Variants in PPM1B observed in about 807,000 individuals in gnomAD.
PPM1B encodes the protein protein phosphatase 1B.
PPM1B carries 22 observed loss-of-function variants against 43.0 expected under a neutral mutation model. The observed-to-expected ratio is 0.51, with a 90% CI of 0.37 to 0.73. The LOEUF (loss-of-function observed/expected upper bound fraction) is 0.73. Ranked by LOEUF, PPM1B falls within the 30% of genes least tolerant of loss-of-function variation. The pLI is 0.00. For synonymous variants in PPM1B, 217 were observed against 197.9 expected (o/e 1.10, Z -0.81); for missense variants, 632 against 584.2 (o/e 1.08, Z -0.84).
At chr2:44,185,819 T>G (rs1668091870) in intron 1 of PPM1B, among the ~76,000 whole-genome samples, 1 of 152,228 alleles carries the variant, frequency 6.6e-6, no homozygotes, top group Non-Finnish European at 1.5e-5. Flanking sequence ...TAATGAAAAC[T>G]GTAAAATATC....
chr2:44,201,786 T>G lies in PPM1B; in HGVS notation c.587T>G (p.Leu196Ter). The change falls in exon 2 of 6, where the codon TTA becomes TGA. Residue 196 changes from leucine to a stop codon, truncating the protein, a stop_gained. Transcript: ENST00000282412. LOFTEE classifies it high-confidence loss of function. This position sits in a 1 kb window ranked among gnomAD's most constrained non-coding sequence, Gnocchi z 5.4. Reference sequence around the variant, plus strand: ...ATGATACAACGTGTTAATGGTTCATTAGCAGTATCTCGTGCTCTGGGGGAC... The same window carrying G: ...ATGATACAACGTGTTAATGGTTCATGAGCAGTATCTCGTGCTCTGGGGGAC... ...SVMIQRVNGS[L>*]AVSRALGDYD... 1 of 1,614,200 alleles carries G rather than the reference T, an allele frequency of 6.2e-7. No individual in the cohort carries two copies. The highest frequency in any genetic ancestry group is 8.5e-7 in the Non-Finnish European group (1 of 1,180,030).
chr2:44,178,858 A>G (rs534142969), intron 1 of PPM1B, among the ~76,000 whole-genome samples: 1 of 152,380 alleles, frequency 6.6e-6, no homozygotes, highest in Admixed American at 6.5e-5. Context: ...TAAAAAAGAC[A>G]TAGGCAAAGT....
At chr2:44,231,644 T>C (rs1185077222), downstream of PPM1B, among the ~76,000 whole-genome samples, 5 of 152,174 alleles carry the variant, frequency 3.3e-5, no homozygotes, top group Non-Finnish European at 7.4e-5. Context: ...ATGTGTTGCA[T>C]ACTTAAATCT....
intron 5 of PPM1B, among the ~76,000 whole-genome samples, chr2:44,226,696 G>A (rs1249632130): frequency 9.0e-6 from 1 of 111,258 alleles, no homozygotes. Flanking sequence ...TTGTTTTAAT[G>A]TCCTGTAATT....
chr2:44,198,684 G>C (rs951420733), intron 1 of PPM1B, among the ~76,000 whole-genome samples: 12 of 152,258 alleles, frequency 7.9e-5, no homozygotes, highest in African/African-American at 2.9e-4. Context: ...AATAATAAGA[G>C]GTACGAGGGC....
chr2:44,220,263 C>CATATAT (rs146623821), intron 5 of PPM1B, among the ~76,000 whole-genome samples: 4,316 of 146,890 alleles, frequency 0.029, 82 homozygotes, highest in South Asian at 0.059. Flanking sequence ...TTTAAAAATA[C>CATATAT]ATATATATAT....
intron 5 of PPM1B, among the ~76,000 whole-genome samples, chr2:44,227,518 C>CTTTT (rs397964846): frequency 4.3e-5 from 6 of 138,970 alleles, no homozygotes; most frequent in South Asian, 2.3e-4. Context: ...ACAGTATCAT[C>CTTTT]TTTTTTTTTT....
downstream of PPM1B, among the ~76,000 whole-genome samples, chr2:44,235,060 T>C (rs1026798183): frequency 1.3e-5 from 2 of 152,238 alleles, no homozygotes; most frequent in African/African-American, 4.8e-5. Flanking sequence ...TCACTTCAGA[T>C]AACTGTGGAT....
downstream of PPM1B, among the ~76,000 whole-genome samples, chr2:44,236,679 G>A (rs923783177): frequency 6.6e-6 from 1 of 152,150 alleles, no homozygotes; most frequent in South Asian, 2.1e-4. Context: ...AATATATGGT[G>A]CCCAAGTCTT....
Position 44,229,643 on chromosome 2 carries a change from T to G in PPM1B, c.1135-770T>G, listed in dbSNP as rs1185062114. Among the ~76,000 whole-genome samples the G allele has an allele frequency of 2.0e-5, 3 of 152,216 alleles. No homozygotes were observed. In the East Asian group the frequency reaches 5.8e-4, roughly 29 times the overall value. ...CATTTTTTGGCACGAATACAGGACA[T>G]GACTGTACTTTATAATGCATCATAT... On this transcript the variant is annotated intron_variant, in intron 5 of 5. Transcript: ENST00000282412.
intron 1 of PPM1B, among the ~76,000 whole-genome samples, chr2:44,191,475 A>G (rs1213744793): frequency 6.6e-6 from 1 of 152,106 alleles, no homozygotes. Flanking sequence ...CAGCCTCCCA[A>G]AGTGCTGGGA....
At chr2:44,230,333 A>G (rs1485444222) in intron 5 of PPM1B, 80 bp from the exon 6 acceptor site, 1 of 1,544,246 alleles carries the variant, frequency 6.5e-7, no homozygotes, top group Non-Finnish European at 8.7e-7. Context: ...AGAAATTAGT[A>G]TTTTGCTGTA....
chr2:44,228,581 T>C (rs1310223345), intron 5 of PPM1B, among the ~76,000 whole-genome samples: 2 of 152,240 alleles, frequency 1.3e-5, no homozygotes, highest in Non-Finnish European at 2.9e-5. Context: ...CAAAAGTATA[T>C]GTAATAGTCT....
chr2:44,226,463 A>T (rs1325876072), intron 5 of PPM1B, among the ~76,000 whole-genome samples: 1 of 151,978 alleles, frequency 6.6e-6, no homozygotes, highest in East Asian at 1.9e-4. Context: ...TAATAAGTCC[A>T]CCTCCAAATT....
chr2:44,226,427 T>A (rs754407619), intron 5 of PPM1B, among the ~76,000 whole-genome samples: 3 of 152,160 alleles, frequency 2.0e-5, no homozygotes, highest in Non-Finnish European at 4.4e-5. Flanking sequence ...ATACGACAAA[T>A]GGAACAACCT....
intron 5 of PPM1B, among the ~76,000 whole-genome samples, chr2:44,228,281 C>T (rs555416214): frequency 1.6e-4 from 22 of 140,738 alleles, no homozygotes; most frequent in Middle Eastern, 3.6e-3. Flanking sequence ...TCAACCTCCT[C>T]GACTTAGCTC....
chr2:44,229,918 G>T, intron 5 of PPM1B: 2 of 1,309,722 alleles, frequency 1.5e-6, no homozygotes, highest in Non-Finnish European at 2.1e-6. Flanking sequence ...ATTTTTATCC[G>T]TAAAAACTCT....
chr2:44,195,464 G>A (rs1668617787), intron 1 of PPM1B, among the ~76,000 whole-genome samples: 3 of 152,068 alleles, frequency 2.0e-5, no homozygotes, highest in Non-Finnish European at 2.9e-5. Context: ...TCCCAGCTAG[G>A]CGTCCCAAAG....
At chr2:44,171,950 G>A (rs373859592) in intron 1 of PPM1B, among the ~76,000 whole-genome samples, 17 of 151,766 alleles carry the variant, frequency 1.1e-4, no homozygotes, top group African/African-American at 3.9e-4. Flanking sequence ...TCTAACTCTC[G>A]CTTTTAAAAA....
Sources: allele counts gnomAD v4.1 joint callset (sites outside exome capture counted in the v4.1 genomes callset), GRCh38; gene constraint gnomAD v4.1.1; non-coding constraint Gnocchi (gnomAD v3.1); transcripts MANE v1.5; gene names NCBI Gene and HGNC (gene_info 2026-07-23, HGNC 2026-07-21).